LYRM4: variants seen among roughly 807,000 people sequenced by gnomAD.
LYRM4 encodes the protein LYR motif containing 4, also known as LYR motif-containing protein 4.
LYRM4 carries 9 observed loss-of-function variants against 11.7 expected under a neutral mutation model. That is an observed-to-expected ratio of 0.77 (90% CI 0.46 to 1.34). The LOEUF is 1.34. Among genes scored for constraint, LYRM4 ranks in the 40% most tolerant of loss-of-function variants. The probability of loss-of-function intolerance (pLI) is 0.00; values close to 1 mark genes in which losing one functional copy is unlikely to be tolerated. For missense variants in LYRM4, 133 were observed against 112.5 expected (o/e 1.18, Z -0.82); for synonymous variants, 42 against 40.4 (o/e 1.04, Z -0.15).
chr6:5,187,112 T>A (rs749097415), intron 2 of LYRM4: 1 of 576,824 alleles, frequency 1.7e-6, no homozygotes, highest in Non-Finnish European at 2.2e-6. Flanking sequence ...AGAAAAGAAA[T>A]GCACATGCTA....
intron 2 of LYRM4, chr6:5,113,115 A>G: frequency 4.5e-6 from 1 of 224,454 alleles, no homozygotes; most frequent in South Asian, 4.5e-5. Flanking sequence ...AGTTGTGGCG[A>G]GGGGACCCAG....
chr6:5,164,967 C>CAACA (rs1758988260), intron 2 of LYRM4, among the ~76,000 whole-genome samples: 1 of 105,116 alleles, frequency 9.5e-6, no homozygotes. Context: ...GACTGTGTCT[C>CAACA]AAAAAAAAAA....
Position 5,109,006 on chromosome 6 carries a change from C to T in LYRM4, c.*417G>A, listed in dbSNP as rs1029268704. ...CCCTGAGGGCCCCCAACAGCCCTCTCCAGGCCTTGTATCAGTAGGAAATGA... is the reference window on the plus strand; with the variant it reads ...CCCTGAGGGCCCCCAACAGCCCTCTTCAGGCCTTGTATCAGTAGGAAATGA... On this transcript the variant is annotated 3_prime_UTR_variant, in exon 3 of 3. Transcript: ENST00000330636. 37 of 1,008,168 alleles carry T rather than the reference C, an allele frequency of 3.7e-5. No homozygotes were observed. Among genetic ancestry groups the T allele is most frequent in the Non-Finnish European group, 4.2e-5 (35 of 842,448 alleles). The allele number at this position is 1,008,168 out of a possible 1,614,324, so 62.5% of individuals were successfully genotyped here. A position where few individuals can be genotyped will look rare whatever the true frequency, so the allele number is the denominator to read the frequency against.
At chr6:5,053,640 AAAG>A in the LYRM4 span, among the ~76,000 whole-genome samples, 990 of 141,922 alleles carry the variant, frequency 7.0e-3, 11 homozygotes, top group African/African-American at 0.029. Context: ...GCAAAAAAAA[AAAG>A]AAAGAAAGAA....
At chr6:5,249,495 T>C (rs1357837555) in intron 1 of LYRM4, among the ~76,000 whole-genome samples, 1 of 152,212 alleles carries the variant, frequency 6.6e-6, no homozygotes, top group Non-Finnish European at 1.5e-5. Flanking sequence ...AGATCATTTC[T>C]GCGATCTATT....
chr6:5,222,471 G>A (rs957360694), intron 1 of LYRM4, among the ~76,000 whole-genome samples: 14 of 152,272 alleles, frequency 9.2e-5, no homozygotes, highest in African/African-American at 3.1e-4. Flanking sequence ...CTGGTCTCAG[G>A]TTCGGTGGGT....
At chr6:5,260,526 G>A in intron 1 of LYRM4, 122 bp downstream of exon 1, 3 of 1,343,660 alleles carry the variant, frequency 2.2e-6, no homozygotes, top group Non-Finnish European at 3.0e-6. Context: ...CCCGGTCCTT[G>A]CCTCGCAGCC....
chr6:5,217,689 C>A (rs1762353587), intron 1 of LYRM4, among the ~76,000 whole-genome samples: 1 of 152,256 alleles, frequency 6.6e-6, no homozygotes, highest in African/African-American at 2.4e-5. Context: ...CATGCCATAA[C>A]CTTGCCTTCA....
At chr6:5,066,137 G>T in the LYRM4 span, 1 of 558,550 alleles carries the variant, frequency 1.8e-6, no homozygotes, top group South Asian at 1.7e-5. Context: ...CTACACTTTG[G>T]GTTTTCCAGC....
At chr6:5,154,781 T>C (rs996745660) in intron 2 of LYRM4, among the ~76,000 whole-genome samples, 6 of 152,012 alleles carry the variant, frequency 3.9e-5, no homozygotes, top group African/African-American at 9.7e-5. Flanking sequence ...ATCGCGCCAC[T>C]GCACTCCAGC....
chr6:5,064,913 T>G, the LYRM4 span, among the ~76,000 whole-genome samples: 1 of 152,132 alleles, frequency 6.6e-6, no homozygotes, highest in Non-Finnish European at 1.5e-5. Flanking sequence ...ATAGTTTACA[T>G]CAAGGCTTAG....
chr6:5,062,244 C>A, the LYRM4 span, among the ~76,000 whole-genome samples: 2 of 141,794 alleles, frequency 1.4e-5, no homozygotes, highest in African/African-American at 2.7e-5. Context: ...ACCAACACCC[C>A]AGCTAATTAA....
intron 1 of LYRM4, among the ~76,000 whole-genome samples, chr6:5,257,055 C>T (rs926798330): frequency 1.3e-5 from 2 of 152,186 alleles, no homozygotes; most frequent in African/African-American, 4.8e-5. Context: ...CTGTTGTAAT[C>T]AACTCCCATT....
chr6:5,040,574 C>T, the LYRM4 span, among the ~76,000 whole-genome samples: 3 of 151,666 alleles, frequency 2.0e-5, no homozygotes, highest in Admixed American at 6.6e-5. Flanking sequence ...TTTAGTGTTC[C>T]ATAAATGAGT....
At chr6:5,120,257 C>G (rs1390977369) in intron 2 of LYRM4, among the ~76,000 whole-genome samples, 1 of 152,134 alleles carries the variant, frequency 6.6e-6, no homozygotes, top group Non-Finnish European at 1.5e-5. Flanking sequence ...AGCAGTGGTT[C>G]TCATCTCACA....
the LYRM4 span, among the ~76,000 whole-genome samples, chr6:5,043,954 T>C: frequency 7.9e-5 from 12 of 152,304 alleles, no homozygotes; most frequent in East Asian, 1.7e-3. Flanking sequence ...AAAAAGGCTC[T>C]TGTCCACAGC....
the LYRM4 span, among the ~76,000 whole-genome samples, chr6:5,093,102 C>T: frequency 6.6e-6 from 1 of 152,144 alleles, no homozygotes; most frequent in Non-Finnish European, 1.5e-5. Flanking sequence ...TGTGAGTCCC[C>T]CACCCGCAAC....
chr6:5,085,123 A>C, the LYRM4 span: 1 of 271,280 alleles, frequency 3.7e-6, no homozygotes. Flanking sequence ...GGAGCCCGCG[A>C]ACGACAGAAA....
chr6:5,248,916 A>T (rs1047984346), intron 1 of LYRM4, among the ~76,000 whole-genome samples: 1 of 152,252 alleles, frequency 6.6e-6, no homozygotes, highest in Non-Finnish European at 1.5e-5. Context: ...ATGTTTGCTG[A>T]ATGAAACATC....
Sources: allele counts gnomAD v4.1 joint callset (sites outside exome capture counted in the v4.1 genomes callset), GRCh38; gene constraint gnomAD v4.1.1; transcripts MANE v1.5; gene names NCBI Gene and HGNC (gene_info 2026-07-23, HGNC 2026-07-21).